Variants in CCL24 observed in about 807,000 individuals in gnomAD.
CCL24 encodes C-C motif chemokine 24.
A neutral mutation model predicts 8.6 loss-of-function variants in CCL24; 6 were observed. The ratio of observed to expected loss-of-function variants is 0.70; its 90% CI spans 0.38 to 1.38. CCL24 has a LOEUF of 1.38. CCL24 is among the 40% of genes most tolerant of loss of function. CCL24 has a pLI of 0.02. For synonymous variants in CCL24, 59 were observed against 52.7 expected (o/e 1.12, Z -0.52); for missense variants, 126 against 147.1 (o/e 0.86, Z 0.74).
upstream of CCL24, among the ~76,000 whole-genome samples, chr7:75,815,349 A>C (rs1554533999): frequency 6.6e-6 from 1 of 151,150 alleles, no homozygotes; most frequent in Non-Finnish European, 1.5e-5. Flanking sequence ...TTAAAAAAAA[A>C]AAAAAAGAAA....
intron 1 of CCL24, among the ~76,000 whole-genome samples, chr7:75,820,140 C>CT (rs1804012533): frequency 7.5e-6 from 1 of 133,180 alleles, no homozygotes; most frequent in African/African-American, 2.7e-5. Context: ...TCTCCTCCTC[C>CT]TCCTCCTCCT....
chr7:75,820,083 TTCTTCC>T (rs1365443995), intron 1 of CCL24, among the ~76,000 whole-genome samples: 61 of 134,400 alleles, frequency 4.5e-4, no homozygotes, highest in African/African-American at 1.1e-3. Context: ...CTTCTTCTTC[TTCTTCC>T]TCTTCTTCTT....
upstream of CCL24, among the ~76,000 whole-genome samples, chr7:75,817,117 C>T (rs11976970): frequency 3.0e-3 from 454 of 152,260 alleles, 1 homozygote; most frequent in African/African-American, 0.01. Context: ...CCTCCCACCT[C>T]GACCTCCCAA....
chr7:75,820,667 A>G (rs1804027652), intron 1 of CCL24, among the ~76,000 whole-genome samples: 1 of 122,670 alleles, frequency 8.2e-6, no homozygotes, highest in Non-Finnish European at 1.6e-5. Flanking sequence ...CCATCTATCC[A>G]TCATCCATCC....
chr7:75,815,699 C>G (rs559440238), upstream of CCL24, among the ~76,000 whole-genome samples: 1 of 152,082 alleles, frequency 6.6e-6, no homozygotes, highest in South Asian at 2.1e-4. Flanking sequence ...CCTCACTCCA[C>G]CCCCGATTCC....
chr7:75,819,282 AAAAAAAAAAAAAAAAAAAAAAATATATAT>A (rs1315590204), intron 1 of CCL24, among the ~76,000 whole-genome samples: 2 of 24,502 alleles, frequency 8.2e-5, no homozygotes, highest in African/African-American at 3.0e-4. Flanking sequence ...AAAAAAAAAA[AAAAAAAAAAAAAAAAAAAAAAATATATAT>A]ATATATATAT....
chr7:75,817,221 G>A (rs1195936710), upstream of CCL24, among the ~76,000 whole-genome samples: 3 of 152,120 alleles, frequency 2.0e-5, no homozygotes, highest in Non-Finnish European at 4.4e-5. Flanking sequence ...GATTCAGAGG[G>A]GATGCCGGTT....
intron 2 of CCL24, 49 bp downstream of exon 2, chr7:75,813,257 G>T (rs1554533662): frequency 3.5e-6 from 4 of 1,154,234 alleles, no homozygotes; most frequent in East Asian, 4.8e-5. Context: ...CCCTGGAGTT[G>T]CACCTGCCCC....
At chr7:75,820,085 CTT>C (rs1563353898) in intron 1 of CCL24, among the ~76,000 whole-genome samples, 32 of 138,800 alleles carry the variant, frequency 2.3e-4, no homozygotes, top group African/African-American at 5.2e-4. Flanking sequence ...TCTTCTTCTT[CTT>C]CCTCTTCTTC....
chr7:75,820,560 G>A (rs1554534947), intron 1 of CCL24, among the ~76,000 whole-genome samples: 1 of 152,060 alleles, frequency 6.6e-6, no homozygotes, highest in African/African-American at 2.4e-5. Flanking sequence ...AGGTGTTTCA[G>A]GTATCCATCC....
Position 75,811,780 on chromosome 7 carries a change from G to C in CCL24, c.*16C>G, listed in dbSNP as rs560716730. The C allele has an allele frequency of 2.5e-4, 407 of 1,609,244 alleles. 1 individual carries two copies. Among genetic ancestry groups the C allele is most frequent in the Non-Finnish European group, 3.3e-4 (386 of 1,177,354 alleles). ...CAGCTCAGGCCCAAACTCAGGGCTG[G>C]AGGGCTGGGCGGGGATTAGCAGGTG... On this transcript the variant is annotated 3_prime_UTR_variant, in exon 3 of 3. Coordinates refer to ENST00000222902, the MANE Select transcript of CCL24 (RefSeq NM_002991.3).
upstream of CCL24, among the ~76,000 whole-genome samples, chr7:75,815,118 T>C (rs782630538): frequency 4.0e-5 from 6 of 151,602 alleles, no homozygotes; most frequent in Non-Finnish European, 4.4e-5. Flanking sequence ...GCGGGAGGAT[T>C]GACTGAGGCC....
chr7:75,823,060 C>G (rs1804081892), intron 1 of CCL24, among the ~76,000 whole-genome samples: 1 of 152,178 alleles, frequency 6.6e-6, no homozygotes, highest in Non-Finnish European at 1.5e-5. Flanking sequence ...TCACGGCCAC[C>G]AGCTTTGCAC....
Position 75,812,033 on chromosome 7 carries a change from G to C in CCL24, c.192-69C>G, listed in dbSNP as rs1236446325. ...CCTTGGGCCACTCCACTTCATGGCGGGGGGGATGTGGACGCCCAGAGACAG... is the reference window on the plus strand; with the variant it reads ...CCTTGGGCCACTCCACTTCATGGCGCGGGGGATGTGGACGCCCAGAGACAG... On this transcript the variant is annotated intron_variant, in intron 2 of 2. Transcript: ENST00000222902. 6 of 1,349,222 alleles carry C rather than the reference G, an allele frequency of 4.4e-6. No homozygotes were observed. The African/African-American group carries it at 5.8e-5, about 13-fold the overall frequency. The allele number at this position is 1,349,222 out of a possible 1,614,324, so 83.6% of individuals were successfully genotyped here. A position where few individuals can be genotyped will look rare whatever the true frequency, so the allele number is the denominator to read the frequency against.
upstream of CCL24, among the ~76,000 whole-genome samples, chr7:75,814,931 G>A (rs924731360): frequency 5.9e-5 from 9 of 151,984 alleles, no homozygotes; most frequent in East Asian, 1.9e-4. Flanking sequence ...ATGGTCTCTC[G>A]TGGAAGCATC....
At chr7:75,819,137 A>G (rs1803956387) in intron 1 of CCL24, among the ~76,000 whole-genome samples, 1 of 148,004 alleles carries the variant, frequency 6.8e-6, no homozygotes, top group Non-Finnish European at 1.5e-5. Context: ...GCGTGGTGGC[A>G]CATGACTGTA....
upstream of CCL24, among the ~76,000 whole-genome samples, chr7:75,817,441 T>C (rs1251884663): frequency 2.0e-5 from 3 of 151,790 alleles, no homozygotes; most frequent in Non-Finnish European, 4.4e-5. Flanking sequence ...GGTGGGGTGC[T>C]TCACCCCAGA....
chr7:75,811,798 A>G lies in CCL24; in HGVS notation c.358T>C (p.Ter120GlnextTer37). 6.2e-7 allele frequency: 1 copy of G among 1,613,028 alleles called. No homozygotes were observed. Residue 120 changes from the stop codon to glutamine, a stop_lost, in exon 3 of 3, where the codon TAA becomes CAA. Coordinates refer to ENST00000222902, the MANE Select transcript of CCL24 (RefSeq NM_002991.3). ...QRYPGNQTTC[*>Q] ...AGGGCTGGAGGGCTGGGCGGGGATT[A>G]GCAGGTGGTTTGGTTGCCAGGATAT...
chr7:75,820,130 T>TCTCCTC (rs1212625006), intron 1 of CCL24, among the ~76,000 whole-genome samples: 17 of 81,436 alleles, frequency 2.1e-4, no homozygotes, highest in African/African-American at 4.7e-4. Context: ...TTCTTCTTCT[T>TCTCCTC]CTCCTCCTCC....
Sources: allele counts gnomAD v4.1 joint callset (sites outside exome capture counted in the v4.1 genomes callset), GRCh38; gene constraint gnomAD v4.1.1; transcripts MANE v1.5; gene names NCBI Gene and HGNC (gene_info 2026-07-23, HGNC 2026-07-21).